The following NFATC3 variants were observed in gnomAD, a reference collection of about 807,000 sequenced individuals.
NFATC3 encodes the protein nuclear factor of activated T-cells, cytoplasmic 3.
NFATC3 carries 46 observed loss-of-function variants against 98.6 expected under a neutral mutation model. The observed-to-expected ratio is 0.47, with a 90% CI of 0.37 to 0.60. The LOEUF is 0.60. Ranked by LOEUF, NFATC3 falls within the 20% of genes least tolerant of loss-of-function variation. NFATC3 has a pLI of 0.00. For synonymous variants in NFATC3, 512 were observed against 472.2 expected (o/e 1.08, Z -1.09); for missense variants, 1,256 against 1,295.5 (o/e 0.97, Z 0.47).
At chr16:68,150,105 C>T (rs569337503) in intron 3 of NFATC3, among the ~76,000 whole-genome samples, 4 of 152,140 alleles carry the variant, frequency 2.6e-5, no homozygotes, top group African/African-American at 7.2e-5. Context: ...GAATCTTGCC[C>T]GTTGCAAAAC....
rs944289491 is a variant in NFATC3 at position 68,086,638 on chromosome 16, A to C, written c.103+854A>C. On this transcript the variant is annotated intron_variant, in intron 1 of 9. Coordinates refer to ENST00000346183, the MANE Select transcript of NFATC3 (RefSeq NM_173165.3). ...AGTTCAGTTTCCCTGTTACATATGC[A>C]TACGAACTTCAAAAAGGAAATGGAT... 17 of 985,308 alleles carry C rather than the reference A, an allele frequency of 1.7e-5. No individual in the cohort carries two copies. In the African/African-American group the frequency reaches 2.8e-4, roughly 16 times the overall value. 61.0% of individuals were successfully genotyped at this position (985,308 alleles called of 1,614,324 possible). A position where few individuals can be genotyped will look rare whatever the true frequency, so the allele number is the denominator to read the frequency against.
rs191616662 is a variant in NFATC3, at chr16:68,213,292, G to A, written c.3107-13058G>A. 5.0e-3 allele frequency among the ~76,000 whole-genome samples: 762 copies of A among 151,426 alleles called. 8 individuals carry two copies. Among genetic ancestry groups the A allele is most frequent in the African/African-American group, 0.017 (694 of 41,378 alleles). ...TAGCCGGGCGTGGTGGCGGGCACCT[G>A]TGGTCCCAGGTACTCAGGAGGCTGA... On this transcript the variant is annotated intron_variant, in intron 9 of 9. Transcript: ENST00000346183.
At chr16:68,106,877 T>C (rs151193115) in intron 1 of NFATC3, among the ~76,000 whole-genome samples, 5,746 of 152,142 alleles carry the variant, frequency 0.038, 120 homozygotes, top group Middle Eastern at 0.15. Context: ...AAGCCCAGCA[T>C]GCATTAGGTA....
chr16:68,226,913 A>AAAAAAAAAAAG lies in NFATC3; in HGVS notation c.*452_*462dup, dbSNP rs2042048925. On this transcript the variant is annotated 3_prime_UTR_variant, in exon 10 of 10. Transcript: ENST00000346183. ...TTCTAGAAGCAAAAAAAAAAAAAAA[A>AAAAAAAAAAAG]AAAAAAAAAAGAAAAAAAAAGAAAA... is the stretch of plus-strand genomic sequence containing the variant. 4 of 148,270 alleles carry AAAAAAAAAAAG rather than the reference A, an allele frequency of 2.7e-5. No individual in the cohort carries two copies. Among genetic ancestry groups the AAAAAAAAAAAG allele is most frequent in the Admixed American group, 2.0e-4 (3 of 14,706 alleles). The allele number at this position is 148,270 out of a possible 1,614,324, so 9.2% of individuals were successfully genotyped here. A position where few individuals can be genotyped will look rare whatever the true frequency, so the allele number is the denominator to read the frequency against.
At position 68,183,386 on chromosome 16, in the gene NFATC3, T is replaced by C; in HGVS notation, c.2098+20T>C. ...CACCAGGTACGAGGAGTCATGATGGTTTACTATAGAGCTTTCTTTCCTAAT... is the reference window on the plus strand; with the variant it reads ...CACCAGGTACGAGGAGTCATGATGGCTTACTATAGAGCTTTCTTTCCTAAT... On this transcript the variant is annotated intron_variant, in intron 8 of 9. Transcript: ENST00000346183. 1 of 1,608,574 alleles carries C rather than the reference T, an allele frequency of 6.2e-7. No homozygotes were observed. The highest frequency in any genetic ancestry group is 8.5e-7 in the Non-Finnish European group (1 of 1,179,534).
chr16:68,176,855 C>T (rs572655528), intron 6 of NFATC3, among the ~76,000 whole-genome samples: 3 of 152,230 alleles, frequency 2.0e-5, no homozygotes, highest in South Asian at 2.1e-4. Context: ...TGAGTACTCT[C>T]ATGTTCCCTT....
intron 9 of NFATC3, among the ~76,000 whole-genome samples, chr16:68,198,357 A>G (rs1598572744): frequency 6.6e-6 from 1 of 152,286 alleles, no homozygotes; most frequent in East Asian, 1.9e-4. Flanking sequence ...ATATTCTAAT[A>G]TAGCTCTCAT....
chr16:68,123,215 G>A, intron 2 of NFATC3, 94 bp downstream of exon 2: 3 of 1,284,334 alleles, frequency 2.3e-6, no homozygotes, highest in Non-Finnish European at 3.1e-6. Context: ...GTTATATAAT[G>A]GTTTGACCAT....
chr16:68,101,750 T>C (rs1384851482), intron 1 of NFATC3, among the ~76,000 whole-genome samples: 1 of 152,156 alleles, frequency 6.6e-6, no homozygotes, highest in East Asian at 1.9e-4. Flanking sequence ...CCCAAAGTGC[T>C]GGGATTACAG....
chr16:68,097,449 A>T (rs893042700), intron 1 of NFATC3, among the ~76,000 whole-genome samples: 2 of 138,544 alleles, frequency 1.4e-5, no homozygotes, highest in African/African-American at 5.4e-5. Flanking sequence ...GTAGAGCTCA[A>T]AAGAGAAACT....
intron 3 of NFATC3, among the ~76,000 whole-genome samples, chr16:68,133,933 G>T (rs571376787): frequency 1.3e-5 from 2 of 151,444 alleles, no homozygotes; most frequent in Non-Finnish European, 2.9e-5. Flanking sequence ...ACTTACTTGG[G>T]TATATGTCTG....
intron 3 of NFATC3, among the ~76,000 whole-genome samples, chr16:68,133,641 A>T (rs565618812): frequency 6.6e-6 from 1 of 152,100 alleles, no homozygotes; most frequent in African/African-American, 2.4e-5. Flanking sequence ...TCTCATCATC[A>T]TATATTAGTT....
At chr16:68,176,062 TC>T (rs571966095) in intron 6 of NFATC3, among the ~76,000 whole-genome samples, 54 of 151,190 alleles carry the variant, frequency 3.6e-4, no homozygotes, top group Non-Finnish European at 7.2e-4. Context: ...CACTGCAACC[TC>T]CACCTCCGTG....
At position 68,158,154 on chromosome 16, in the gene NFATC3, T is replaced by C. The variant is rs181791093; in HGVS notation, c.1601+86T>C. 154 of 813,816 alleles carry C rather than the reference T, an allele frequency of 1.9e-4. 3 individuals are homozygous for C. The Admixed American group carries it at 4.7e-3, about 25-fold the overall frequency. 50.4% of individuals were successfully genotyped at this position (813,816 alleles called of 1,614,324 possible). A position where few individuals can be genotyped will look rare whatever the true frequency, so the allele number is the denominator to read the frequency against. Reference sequence around the variant, plus strand: ...GTAAATATATTTTTGAATATAAATATAAAATATTGTTCTAAATGGCATTAT... The same window carrying C: ...GTAAATATATTTTTGAATATAAATACAAAATATTGTTCTAAATGGCATTAT... On this transcript the variant is annotated intron_variant, in intron 4 of 9. Transcript: ENST00000346183.
intron 6 of NFATC3, among the ~76,000 whole-genome samples, chr16:68,181,122 C>G (rs2039934306): frequency 6.6e-6 from 1 of 152,250 alleles, no homozygotes; most frequent in African/African-American, 2.4e-5. Context: ...GTCCCACCAA[C>G]AGTGTAAAAG....
At chr16:68,215,844 T>C (rs2041616453) in intron 9 of NFATC3, among the ~76,000 whole-genome samples, 1 of 150,834 alleles carries the variant, frequency 6.6e-6, no homozygotes, top group Non-Finnish European at 1.5e-5. Flanking sequence ...TCTCCTGCCT[T>C]AGCCTCCCGA....
At chr16:68,201,482 G>A (rs1434969274) in intron 9 of NFATC3, among the ~76,000 whole-genome samples, 2 of 150,556 alleles carry the variant, frequency 1.3e-5, no homozygotes, top group Non-Finnish European at 3.0e-5. Context: ...TGTTGCCCAG[G>A]CTGGTCTCAA....
chr16:68,211,706 G>C (rs1472616943), intron 9 of NFATC3, among the ~76,000 whole-genome samples: 2 of 151,552 alleles, frequency 1.3e-5, no homozygotes, highest in Non-Finnish European at 2.9e-5. Context: ...GTTTTTAGTA[G>C]AGACGGGGTT....
At chr16:68,221,662 G>A in intron 9 of NFATC3, 5 of 825,782 alleles carry the variant, frequency 6.1e-6, no homozygotes, top group Non-Finnish European at 7.3e-6. Context: ...GTAGTATAAT[G>A]TATAGTTGAG....
Sources: allele counts gnomAD v4.1 joint callset (sites outside exome capture counted in the v4.1 genomes callset), GRCh38; gene constraint gnomAD v4.1.1; transcripts MANE v1.5; gene names NCBI Gene and HGNC (gene_info 2026-07-23, HGNC 2026-07-21).